The following JAKMIP1 variants were observed in gnomAD, a reference collection of about 807,000 sequenced individuals.
JAKMIP1 encodes janus kinase and microtubule-interacting protein 1.
In JAKMIP1, 33 loss-of-function variants were observed where a neutral mutation model predicts 113.0. The observed-to-expected ratio is 0.29, with a 90% CI of 0.22 to 0.39. The LOEUF (loss-of-function observed/expected upper bound fraction) is 0.39. JAKMIP1 is among the 10% of genes least tolerant of loss of function. The pLI is 1.00. For missense variants in JAKMIP1, 813 were observed against 1,080.5 expected, an observed-to-expected ratio of 0.75 and a Z score of 3.47; for synonymous variants, 480 against 459.9, an observed-to-expected ratio of 1.04 and a Z score of -0.56.
Position 6,143,995 on chromosome 4 carries a change from G to A in JAKMIP1, c.-147-30998C>T, listed in dbSNP as rs1272731455. Among the ~76,000 whole-genome samples, 1 of 152,142 alleles carries A rather than the reference G, an allele frequency of 6.6e-6. No individual in the cohort carries two copies. Among genetic ancestry groups the A allele is most frequent in the African/African-American group, 2.4e-5 (1 of 41,436 alleles). On this transcript the variant is annotated intron_variant, in intron 1 of 20. Transcript: ENST00000409021. This position sits in a 1 kb window ranked among gnomAD's most constrained non-coding sequence, Gnocchi z 4.9. ...CATGCCAGGGGGTCAAAGCAGAGAGGCTCACTCGGGCCCAGCTTAGAGCCT... is the reference window on the plus strand; with the variant it reads ...CATGCCAGGGGGTCAAAGCAGAGAGACTCACTCGGGCCCAGCTTAGAGCCT...
rs1293469012 is a variant in JAKMIP1 at position 6,094,614 on chromosome 4, T to C, written c.625-8985A>G. 2.0e-5 allele frequency among the ~76,000 whole-genome samples: 3 copies of C among 152,218 alleles called. No homozygotes were observed. Among genetic ancestry groups the C allele is most frequent in the African/African-American group, 7.2e-5 (3 of 41,462 alleles). The stretch of plus-strand genomic sequence containing the variant: ...AAGCTGTGCCTTGATTCCTCCTACC[T>C]TGTCAAACTAGTTCCCAACAGTGGC... On this transcript the variant is annotated intron_variant, in intron 3 of 20. Transcript: ENST00000409021. The surrounding 1 kb of genome is among the most constrained non-coding windows in gnomAD (Gnocchi z 4.2).
chr4:6,053,217 A>G (rs1194135180), intron 13 of JAKMIP1, among the ~76,000 whole-genome samples: 1 of 152,226 alleles, frequency 6.6e-6, no homozygotes, highest in Non-Finnish European at 1.5e-5. Context: ...ACAGTAACAC[A>G]CCCGAGGTAA....
At chr4:6,030,627 G>A (rs977708624) in intron 19 of JAKMIP1, among the ~76,000 whole-genome samples, 3 of 152,224 alleles carry the variant, frequency 2.0e-5, no homozygotes, top group African/African-American at 7.2e-5. Flanking sequence ...CTGCCCAGCG[G>A]GCTGCTGGCC....
chr4:6,106,539 C>CCTCTCT lies in JAKMIP1; in HGVS notation c.130-578_130-573dup, dbSNP rs111859543. ...GTGCTCCCTCTCTTTCTCCCTCTCT[C>CCTCTCT]CTCTCTCTCTCTCTCTCTTCCTCTC... On this transcript the variant is annotated intron_variant, in intron 2 of 20. Transcript: ENST00000409021. This position sits in a 1 kb window ranked among gnomAD's most constrained non-coding sequence, Gnocchi z 5.9. Among the ~76,000 whole-genome samples the CCTCTCT allele has an allele frequency of 1.2e-4, 18 of 149,744 alleles. No individual in the cohort carries two copies. The highest frequency in any genetic ancestry group is 3.9e-4 in the African/African-American group (16 of 40,746).
intron 1 of JAKMIP1, among the ~76,000 whole-genome samples, chr4:6,195,153 G>A (rs1345333032): frequency 3.3e-5 from 5 of 152,322 alleles, no homozygotes; most frequent in South Asian, 2.1e-4. Flanking sequence ...AAGAATAGCC[G>A]GTAAATGGCA....
rs1171411490 is a variant in JAKMIP1, at chr4:6,187,388, AGT to A, written c.-148+12863_-148+12864del. On this transcript the variant is annotated intron_variant, in intron 1 of 20. Transcript: ENST00000409021. This position sits in a 1 kb window ranked among gnomAD's most constrained non-coding sequence, Gnocchi z 4.2. ...AATCTATTTGTATCCTTGAATCTAA[AGT>A]GTGTCTCCTATAGACAGTGCTATGA... is the stretch of plus-strand genomic sequence containing the variant. Among the ~76,000 whole-genome samples, 3 of 152,208 alleles carry A rather than the reference AGT, an allele frequency of 2.0e-5. No homozygotes were observed. The highest frequency in any genetic ancestry group is 7.2e-5 in the African/African-American group (3 of 41,456).
Position 6,098,730 on chromosome 4 carries a change from GAAAGAGAA to G in JAKMIP1, c.624+6735_624+6742del, listed in dbSNP as rs1217908428. Among the ~76,000 whole-genome samples the G allele has an allele frequency of 3.3e-3, 36 of 10,972 alleles. 2 individuals carry two copies. Among genetic ancestry groups the G allele is most frequent in the African/African-American group, 6.3e-3 (31 of 4,906 alleles). 7.2% of individuals were successfully genotyped at this position (10,972 alleles called of 152,430 possible). Reference sequence around the variant, plus strand: ...AAAGAAAGAAAGAAAGAAAAAGAAAGAAAGAGAAGGAAGGAAGGAAGGAAAGAAAGAGA... The same window carrying G: ...AAAGAAAGAAAGAAAGAAAAAGAAAGGGAAGGAAGGAAGGAAAGAAAGAGA... On this transcript the variant is annotated intron_variant, in intron 3 of 20. Coordinates refer to ENST00000409021, the MANE Select transcript of JAKMIP1 (RefSeq NM_001099433.2).
rs111340860 is a variant in JAKMIP1, at chr4:6,067,846, G to T, written c.1303-2838C>A. Among the ~76,000 whole-genome samples, 3 of 126,304 alleles carry T rather than the reference G, an allele frequency of 2.4e-5. No homozygotes were observed. Among genetic ancestry groups the T allele is most frequent in the African/African-American group, 1.0e-4 (3 of 29,366 alleles). The allele number at this position is 126,304 out of a possible 152,430, so 82.9% of individuals were successfully genotyped here. A position where few individuals can be genotyped will look rare whatever the true frequency, so the allele number is the denominator to read the frequency against. Reference sequence around the variant, plus strand: ...CGTTCACTCAAGCTCTTCTGCACACGCAGGTCACCCCCCTGAGCTCCACGT... The same window carrying T: ...CGTTCACTCAAGCTCTTCTGCACACTCAGGTCACCCCCCTGAGCTCCACGT... On this transcript the variant is annotated intron_variant, in intron 8 of 20. Transcript: ENST00000409021. This position sits in a 1 kb window ranked among gnomAD's most constrained non-coding sequence, Gnocchi z 4.6.
rs750182399 is a variant in JAKMIP1, at chr4:6,042,146, T to G, written c.2097+13A>C. ...AACCCTCTCCCCCACCCCCAGGCAG[T>G]CAAATCTTTTACCTTCTCCTTCTCC... On this transcript the variant is annotated intron_variant, in intron 17 of 20. Coordinates refer to ENST00000409021, the MANE Select transcript of JAKMIP1 (RefSeq NM_001099433.2). This position sits in a 1 kb window ranked among gnomAD's most constrained non-coding sequence, Gnocchi z 5.2. The G allele has an allele frequency of 6.2e-7, 1 of 1,611,628 alleles. No individual in the cohort carries two copies. Among genetic ancestry groups the G allele is most frequent in the Non-Finnish European group, 8.5e-7 (1 of 1,177,882 alleles).
intron 1 of JAKMIP1, among the ~76,000 whole-genome samples, chr4:6,172,778 C>A (rs1461298796): frequency 6.6e-6 from 1 of 152,098 alleles, no homozygotes; most frequent in Non-Finnish European, 1.5e-5. Flanking sequence ...GCCCAAGATG[C>A]CCCACCCTGC....
Position 6,040,553 on chromosome 4 carries a change from TA to T in JAKMIP1, c.2175+85del. On this transcript the variant is annotated intron_variant, in intron 18 of 20. Transcript: ENST00000409021. This position sits in a 1 kb window ranked among gnomAD's most constrained non-coding sequence, Gnocchi z 5.8. ...TCCTGTTTGGCACTGGGGAGCGCCC[TA>T]AATGCAGTTTCAGCCCCAGAGGAAA... 1.1e-6 allele frequency: 1 copy of T among 936,266 alleles called. No individual in the cohort carries two copies. The highest frequency in any genetic ancestry group is 1.7e-6 in the Non-Finnish European group (1 of 579,454). 58.0% of individuals were successfully genotyped at this position (936,266 alleles called of 1,614,324 possible).
At chr4:6,107,855 G>A (rs1419873912) in intron 2 of JAKMIP1, among the ~76,000 whole-genome samples, 1 of 152,190 alleles carries the variant, frequency 6.6e-6, no homozygotes, top group Non-Finnish European at 1.5e-5. Context: ...AGGAAACAGG[G>A]ATGGCAACAG....
At chr4:6,122,502 C>G in intron 1 of JAKMIP1, among the ~76,000 whole-genome samples, 1 of 152,168 alleles carries the variant, frequency 6.6e-6, no homozygotes, top group East Asian at 1.9e-4. Flanking sequence ...CATGAAATCA[C>G]AAAAGATTCT....
rs756555247 is a variant in JAKMIP1, at chr4:6,049,828, G to A, written c.1953C>T (p.Gly651=). 5.6e-6 allele frequency: 9 copies of A among 1,611,238 alleles called. No individual in the cohort carries two copies. Among genetic ancestry groups the A allele is most frequent in the Admixed American group, 1.7e-5 (1 of 59,996 alleles). Residue 651 remains glycine, a synonymous_variant, in exon 15 of 21, where the codon GGC becomes GGT. Coordinates refer to ENST00000409021, the MANE Select transcript of JAKMIP1 (RefSeq NM_001099433.2). This position sits in a 1 kb window ranked among gnomAD's most constrained non-coding sequence, Gnocchi z 7.0. ...GATCGCTCATAGTTACCCCGTTATCGCCAAGGATATCTAATTTCTTCATAA... is the reference window on the plus strand; with the variant it reads ...GATCGCTCATAGTTACCCCGTTATCACCAAGGATATCTAATTTCTTCATAA... ...SELMKKLDIL[G]DNGNLRNEEQ...
At chr4:6,092,029 T>C (rs1722125596) in intron 3 of JAKMIP1, among the ~76,000 whole-genome samples, 1 of 152,222 alleles carries the variant, frequency 6.6e-6, no homozygotes, top group Non-Finnish European at 1.5e-5. Flanking sequence ...TCTCAGAGTC[T>C]TTCCAACATT....
intron 8 of JAKMIP1, among the ~76,000 whole-genome samples, chr4:6,078,209 G>C (rs1165822049): frequency 6.6e-6 from 1 of 151,988 alleles, no homozygotes; most frequent in Non-Finnish European, 1.5e-5. Flanking sequence ...CAGCTACTCG[G>C]GAGGCTGAGG....
At position 6,140,780 on chromosome 4, in the gene JAKMIP1, A is replaced by G. The variant is rs182080678; in HGVS notation, c.-147-27783T>C. 6.6e-6 allele frequency among the ~76,000 whole-genome samples: 1 copy of G among 152,192 alleles called. No individual in the cohort carries two copies. The highest frequency in any genetic ancestry group is 2.1e-4 in the South Asian group (1 of 4,830). ...CGTCTGGTGTCATCCTTTGGGCAATAAGAAAGATGCAATTAAGTAGGCAAT... is the reference window on the plus strand; with the variant it reads ...CGTCTGGTGTCATCCTTTGGGCAATGAGAAAGATGCAATTAAGTAGGCAAT... On this transcript the variant is annotated intron_variant, in intron 1 of 20. Coordinates refer to ENST00000409021, the MANE Select transcript of JAKMIP1 (RefSeq NM_001099433.2). This position sits in a 1 kb window ranked among gnomAD's most constrained non-coding sequence, Gnocchi z 9.4.
At position 6,094,422 on chromosome 4, in the gene JAKMIP1, C is replaced by G. The variant is rs1168993605; in HGVS notation, c.625-8793G>C. On this transcript the variant is annotated intron_variant, in intron 3 of 20. Coordinates refer to ENST00000409021, the MANE Select transcript of JAKMIP1 (RefSeq NM_001099433.2). This position sits in a 1 kb window ranked among gnomAD's most constrained non-coding sequence, Gnocchi z 4.2. The stretch of plus-strand genomic sequence containing the variant: ...TACCCAACTGACAGGAGGAATCGTG[C>G]TAAGAAAACAGCCTGGCCCCAGTGA... Among the ~76,000 whole-genome samples the G allele has an allele frequency of 6.6e-6, 1 of 152,144 alleles. No homozygotes were observed. The highest frequency in any genetic ancestry group is 1.5e-5 in the Non-Finnish European group (1 of 68,026).
chr4:6,042,301 G>T lies in JAKMIP1; in HGVS notation c.2029-74C>A, dbSNP rs1714432147. 8 of 1,208,540 alleles carry T rather than the reference G, an allele frequency of 6.6e-6. No individual in the cohort carries two copies. Among genetic ancestry groups the T allele is most frequent in the African/African-American group, 1.5e-5 (1 of 66,964 alleles). 74.9% of individuals were successfully genotyped at this position (1,208,540 alleles called of 1,614,324 possible). A position where few individuals can be genotyped will look rare whatever the true frequency, so the allele number is the denominator to read the frequency against. On this transcript the variant is annotated intron_variant, in intron 16 of 20. Transcript: ENST00000409021. This position sits in a 1 kb window ranked among gnomAD's most constrained non-coding sequence, Gnocchi z 5.2. ...CCCAAGGGGCTGTGGAATTTCACAG[G>T]TGTGTGAATTTCATAGATCGGCTTC... is the stretch of plus-strand genomic sequence containing the variant.
Sources: allele counts gnomAD v4.1 joint callset (sites outside exome capture counted in the v4.1 genomes callset), GRCh38; gene constraint gnomAD v4.1.1; non-coding constraint Gnocchi (gnomAD v3.1); transcripts MANE v1.5; gene names NCBI Gene and HGNC (gene_info 2026-07-23, HGNC 2026-07-21).